The following ZNF493 variants were observed in gnomAD, a reference collection of about 807,000 sequenced individuals.
The protein encoded by ZNF493 is zinc finger protein 493.
In ZNF493, 11 loss-of-function variants were observed where a neutral mutation model predicts 12.2. The ratio of observed to expected loss-of-function variants is 0.90; its 90% CI spans 0.57 to 1.50. ZNF493 has a LOEUF of 1.50. Ranked by LOEUF, ZNF493 falls within the 40% of genes most tolerant of loss-of-function variation. The probability of loss-of-function intolerance (pLI) is 0.00; values close to 1 mark genes in which losing one functional copy is unlikely to be tolerated. For synonymous variants in ZNF493, 286 were observed against 302.6 expected, an observed-to-expected ratio of 0.95 and a Z score of 0.57; for missense variants, 950 against 906.6, an observed-to-expected ratio of 1.05 and a Z score of -0.61.
At chr19:21,405,689 A>C in intron 2 of ZNF493, 72 bp from the exon 3 acceptor site, 2 of 1,289,504 alleles carry the variant, frequency 1.6e-6, no homozygotes, top group Non-Finnish European at 2.2e-6. Flanking sequence ...CATCCTCTTT[A>C]CTAAGCATGG....
chr19:21,424,173 G>A lies in ZNF493; in HGVS notation c.1514G>A (p.Ser505Asn). The A allele has an allele frequency of 6.3e-7, 1 of 1,581,854 alleles. No individual in the cohort carries two copies. The highest frequency in any genetic ancestry group is 8.6e-7 in the Non-Finnish European group (1 of 1,165,874). The change falls in exon 4 of 4, where the codon AGT becomes AAT. Residue 505 changes from serine to asparagine, a missense_variant. Coordinates refer to ENST00000392288, the MANE Select transcript of ZNF493 (RefSeq NM_001076678.3). Reference protein sequence around the residue: ...GKAFNQSSTLSIHKIIHTGEK... With the variant: ...GKAFNQSSTLNIHKIIHTGEK... The stretch of plus-strand genomic sequence containing the variant: ...GCTTTTAACCAATCTTCAACCCTTA[G>A]TATACATAAAATAATTCATACTGGA...
At chr19:21,407,755 T>A in intron 3 of ZNF493, 1 of 983,970 alleles carries the variant, frequency 1.0e-6, no homozygotes, top group Non-Finnish European at 1.2e-6. Context: ...GATTATATGT[T>A]CCTCAAACAG....
chr19:21,422,697 C>T lies in ZNF493; in HGVS notation c.254-216C>T, dbSNP rs574285636. ...CTTTTCCCTTCTGTGTGACTTTGTG[C>T]TCACCTGGGGTACTTCAAACACTTA... On this transcript the variant is annotated intron_variant, in intron 3 of 3. Transcript: ENST00000392288. 3.3e-5 allele frequency among the ~76,000 whole-genome samples: 5 copies of T among 152,100 alleles called. No homozygotes were observed. In the South Asian group the frequency reaches 8.3e-4, roughly 25 times the overall value.
intron 3 of ZNF493, among the ~76,000 whole-genome samples, chr19:21,410,292 T>C (rs748709076): frequency 6.6e-6 from 1 of 152,014 alleles, no homozygotes; most frequent in Non-Finnish European, 1.5e-5. Flanking sequence ...AAACATAACA[T>C]TTTAAAATAA....
rs781767411 is a variant in ZNF493 at position 21,421,908 on chromosome 19, C to T, written c.254-1005C>T. ...GTCATGAGGCAGGAGTGCAGTGGCACGATCTCAGTTCACTGCAACCTCCGC... is the reference window on the plus strand; with the variant it reads ...GTCATGAGGCAGGAGTGCAGTGGCATGATCTCAGTTCACTGCAACCTCCGC... On this transcript the variant is annotated intron_variant, in intron 3 of 3. Transcript: ENST00000392288. 5.8e-4 allele frequency among the ~76,000 whole-genome samples: 88 copies of T among 151,756 alleles called. 2 individuals are homozygous for T. Among genetic ancestry groups the T allele is most frequent in the Admixed American group, 1.6e-3 (25 of 15,250 alleles).
intron 3 of ZNF493, among the ~76,000 whole-genome samples, chr19:21,420,752 CT>C (rs372678195): frequency 0.67 from 70,474 of 104,904 alleles, 23,166 homozygotes; most frequent in Middle Eastern, 0.77. Flanking sequence ...GCAAATAACA[CT>C]TTTTTTTTTT....
At chr19:21,409,576 T>C (rs952141456) in intron 3 of ZNF493, among the ~76,000 whole-genome samples, 8 of 152,146 alleles carry the variant, frequency 5.3e-5, no homozygotes, top group Non-Finnish European at 8.8e-5. Context: ...AGAGTCTCTC[T>C]TTACAAAAAT....
chr19:21,424,154 A>T lies in ZNF493; in HGVS notation c.1495A>T (p.Asn499Tyr). 6.2e-7 allele frequency: 1 copy of T among 1,613,662 alleles called. No individual in the cohort carries two copies. The highest frequency in any genetic ancestry group is 1.1e-5 in the South Asian group (1 of 91,064). ...YKCEECGKAF[N>Y]QSSTLSIHKI... ...ATGTGAAGAATGTGGCAAAGCTTTT[A>T]ACCAATCTTCAACCCTTAGTATACA... The change falls in exon 4 of 4, where the codon AAC (asparagine) becomes TAC (tyrosine). Residue 499 changes from asparagine (N) to tyrosine (Y), a missense_variant. Physicochemically the swap from Asn to Tyr is moderately radical, Grantham distance 143. Transcript: ENST00000392288.
chr19:21,413,519 G>A (rs988973704), intron 3 of ZNF493: 4 of 402,224 alleles, frequency 9.9e-6, no homozygotes, highest in Non-Finnish European at 1.7e-5. Flanking sequence ...GTGGGTGGCT[G>A]TGTTCGACGT....
chr19:21,416,973 T>G (rs1021705301), intron 3 of ZNF493, among the ~76,000 whole-genome samples: 1 of 152,160 alleles, frequency 6.6e-6, no homozygotes, highest in African/African-American at 2.4e-5. Flanking sequence ...TTTTGCAGCA[T>G]AAGTCTACTG....
chr19:21,417,949 T>C (rs1196055593), intron 3 of ZNF493, among the ~76,000 whole-genome samples: 3 of 152,208 alleles, frequency 2.0e-5, no homozygotes, highest in Non-Finnish European at 4.4e-5. Flanking sequence ...TTAAATTCTT[T>C]GAGTAATTTA....
In ZNF493 at chr19:21,414,061, T is replaced by TG. The variant is rs2030409059; in HGVS notation, c.253+8209dup. On this transcript the variant is annotated intron_variant, in intron 3 of 3. Coordinates refer to ENST00000392288, the MANE Select transcript of ZNF493 (RefSeq NM_001076678.3). ...TAGCTAGAGCTTGGCTAGTATAGCC[T>TG]GGGGCATTATCTGTTTTAATAGAAG... 2.0e-5 allele frequency: 3 copies of TG among 152,282 alleles called. No individual in the cohort carries two copies. In the South Asian group the frequency reaches 6.2e-4, roughly 32 times the overall value. The allele number at this position is 152,282 out of a possible 1,614,324, so 9.4% of individuals were successfully genotyped here. A position where few individuals can be genotyped will look rare whatever the true frequency, so the allele number is the denominator to read the frequency against.
chr19:21,408,914 G>A (rs1365896295), intron 3 of ZNF493: 27 of 727,584 alleles, frequency 3.7e-5, no homozygotes, highest in South Asian at 2.5e-4. Context: ...GTGGAGTCTC[G>A]CTCTGTCGCC....
intron 3 of ZNF493, chr19:21,407,966 T>G: frequency 4.1e-6 from 4 of 985,240 alleles, no homozygotes; most frequent in Non-Finnish European, 4.8e-6. Flanking sequence ...GGTAAAGATC[T>G]TCTTTTCTTG....
chr19:21,397,399 G>C (rs1354987651), intron 1 of ZNF493, 132 bp downstream of exon 1: 1 of 1,191,186 alleles, frequency 8.4e-7, no homozygotes, highest in Non-Finnish European at 1.3e-6. Context: ...TCCTTGCCCA[G>C]CTCGGCCTCA....
At chr19:21,405,376 A>C in intron 2 of ZNF493, 121 bp downstream of exon 2, 1 of 1,502,062 alleles carries the variant, frequency 6.7e-7, no homozygotes, top group Non-Finnish European at 8.8e-7. Context: ...CCTGTTTTAA[A>C]GAAATCTTGA....
At position 21,422,499 on chromosome 19, in the gene ZNF493, G is replaced by A. The variant is rs968141030; in HGVS notation, c.254-414G>A. Among the ~76,000 whole-genome samples the A allele has an allele frequency of 2.4e-5, 3 of 125,892 alleles. No individual in the cohort carries two copies. The South Asian group carries it at 7.2e-4, about 30-fold the overall frequency. 82.6% of individuals were successfully genotyped at this position (125,892 alleles called of 152,430 possible). A position where few individuals can be genotyped will look rare whatever the true frequency, so the allele number is the denominator to read the frequency against. The stretch of plus-strand genomic sequence containing the variant: ...TTTTTTTGAGATGTATTCTCACTCT[G>A]TTCCCCAGGCTGTAGTGCAATGGTG... On this transcript the variant is annotated intron_variant, in intron 3 of 3. Transcript: ENST00000392288.
chr19:21,407,678 T>G, intron 3 of ZNF493: 2 of 969,702 alleles, frequency 2.1e-6, no homozygotes, highest in Non-Finnish European at 2.5e-6. Flanking sequence ...ATTTTATATT[T>G]TGTTAATTTA....
chr19:21,420,370 AT>A (rs1005359207), intron 3 of ZNF493, among the ~76,000 whole-genome samples: 3 of 150,984 alleles, frequency 2.0e-5, no homozygotes, highest in Non-Finnish European at 4.4e-5. Flanking sequence ...TAAGAAATTT[AT>A]TTTTGTGTAT....
Sources: allele counts gnomAD v4.1 joint callset (sites outside exome capture counted in the v4.1 genomes callset), GRCh38; gene constraint gnomAD v4.1.1; transcripts MANE v1.5; gene names NCBI Gene and HGNC (gene_info 2026-07-23, HGNC 2026-07-21).